TRPS1: variants seen among roughly 807,000 people sequenced by gnomAD.
TRPS1 encodes zinc finger transcription factor Trps1.
TRPS1 carries 6 observed loss-of-function variants against 101.2 expected under a neutral mutation model. The ratio of observed to expected loss-of-function variants is 0.06; its 90% CI spans 0.03 to 0.12. The LOEUF is 0.12. Ranked by LOEUF, TRPS1 falls within the 10% of genes least tolerant of loss-of-function variation. The pLI is 1.00. For missense variants in TRPS1, 1,363 were observed against 1,567.0 expected (o/e 0.87, Z 2.20); for synonymous variants, 578 against 589.8 (o/e 0.98, Z 0.29).
At chr8:115,522,732 T>C (rs1815896324) in intron 5 of TRPS1, among the ~76,000 whole-genome samples, 2 of 152,146 alleles carry the variant, frequency 1.3e-5, no homozygotes, top group Admixed American at 1.3e-4. Flanking sequence ...AAATTCGACA[T>C]ATTTTTAATA....
intron 3 of TRPS1, among the ~76,000 whole-genome samples, chr8:115,613,360 A>C (rs1818211907): frequency 6.6e-6 from 1 of 152,246 alleles, no homozygotes; most frequent in African/African-American, 2.4e-5. Flanking sequence ...CACGGAGCAG[A>C]TAGCAGATAA....
chr8:115,493,947 T>A (rs1815090565), intron 5 of TRPS1, among the ~76,000 whole-genome samples: 1 of 152,164 alleles, frequency 6.6e-6, no homozygotes, highest in Non-Finnish European at 1.5e-5. Context: ...CTAAATTCCA[T>A]AAAAAATATA....
At chr8:115,520,810 G>C (rs1815840803) in intron 5 of TRPS1, among the ~76,000 whole-genome samples, 1 of 151,732 alleles carries the variant, frequency 6.6e-6, no homozygotes, top group Non-Finnish European at 1.5e-5. Context: ...TACCTTATTG[G>C]ACAGTATTAG....
At chr8:115,645,207 G>C (rs1259031041) in intron 1 of TRPS1, among the ~76,000 whole-genome samples, 1 of 151,982 alleles carries the variant, frequency 6.6e-6, no homozygotes, top group Non-Finnish European at 1.5e-5. Context: ...ATAAAACGAG[G>C]TAATTACATA....
chr8:115,562,888 G>GTGTC (rs1434137211), intron 5 of TRPS1, among the ~76,000 whole-genome samples: 1 of 139,004 alleles, frequency 7.2e-6, no homozygotes, highest in Non-Finnish European at 1.5e-5. Flanking sequence ...GTGTGTGTGT[G>GTGTC]TGTGTGTGTG....
At chr8:115,607,442 A>T (rs1818066053) in intron 3 of TRPS1, among the ~76,000 whole-genome samples, 1 of 151,260 alleles carries the variant, frequency 6.6e-6, no homozygotes, top group South Asian at 2.1e-4. Flanking sequence ...TTTTTTGTTA[A>T]ACCCAGGGAA....
At chr8:115,622,462 T>C (rs761343824) in intron 2 of TRPS1, among the ~76,000 whole-genome samples, 5 of 152,196 alleles carry the variant, frequency 3.3e-5, no homozygotes, top group Non-Finnish European at 5.9e-5. Context: ...GGTTTTAACT[T>C]GGTCTACAGA....
chr8:115,421,597 A>G (rs978728425), intron 5 of TRPS1, among the ~76,000 whole-genome samples: 3 of 152,166 alleles, frequency 2.0e-5, no homozygotes, highest in Non-Finnish European at 2.9e-5. Context: ...GGGGGTGGAG[A>G]GTGGGAGGTA....
At position 115,409,247 on chromosome 8, in the gene TRPS1, A is replaced by G. The variant is rs997281630; in HGVS notation, c.*4776T>C. 3 of 90,156 alleles carry G rather than the reference A, an allele frequency of 3.3e-5. No individual in the cohort carries two copies. The highest frequency in any genetic ancestry group is 1.4e-4 in the African/African-American group (3 of 21,718). The allele number at this position is 90,156 out of a possible 1,614,324, so 5.6% of individuals were successfully genotyped here. A position where few individuals can be genotyped will look rare whatever the true frequency, so the allele number is the denominator to read the frequency against. On this transcript the variant is annotated 3_prime_UTR_variant, in exon 7 of 7. Coordinates refer to ENST00000395715, the MANE Select transcript of TRPS1 (RefSeq NM_014112.5). ...ACAAAAAGAAAAAGTGATATGCTGC[A>G]GTTTATATGTTGGGAAAAAAAAAAA...
Position 115,414,405 on chromosome 8 carries a change from G to A in TRPS1, c.3503C>T (p.Ala1168Val). The A allele has an allele frequency of 1.2e-6, 2 of 1,613,970 alleles. No homozygotes were observed. Among genetic ancestry groups the A allele is most frequent in the Non-Finnish European group, 1.7e-6 (2 of 1,179,944 alleles). ...AGGAATGTCATTGTCTGATCCAACA[G>A]CTGAAAAATGAGGAGGCAGATTGAA... is the stretch of plus-strand genomic sequence containing the variant. ...PTFNLPPHFS[A>V]VGSDNDIPLD... Residue 1168 changes from alanine to valine, a missense_variant, in exon 7 of 7, where the codon GCT (alanine) becomes GTT (valine). This residue lies in a region of TRPS1 where 307 missense variants were observed against 392.4 expected (regional missense o/e 0.78). Coordinates refer to ENST00000395715, the MANE Select transcript of TRPS1 (RefSeq NM_014112.5). This position sits in a 1 kb window ranked among gnomAD's most constrained non-coding sequence, Gnocchi z 4.8.
intron 1 of TRPS1, among the ~76,000 whole-genome samples, chr8:115,642,849 A>AAAAAT (rs981274987): frequency 3.7e-4 from 54 of 146,034 alleles, no homozygotes; most frequent in South Asian, 4.3e-4. Context: ...CGTGAAAAAA[A>AAAAAT]ATATATATAT....
chr8:115,530,824 T>G (rs1182755926), intron 5 of TRPS1, among the ~76,000 whole-genome samples: 1 of 151,800 alleles, frequency 6.6e-6, no homozygotes, highest in African/African-American at 2.4e-5. Flanking sequence ...GCAAACTATC[T>G]CAAGGACAGA....
chr8:115,524,893 C>T (rs1009051657), intron 5 of TRPS1, among the ~76,000 whole-genome samples: 1 of 152,062 alleles, frequency 6.6e-6, no homozygotes, highest in East Asian at 1.9e-4. Flanking sequence ...ATATGTAACA[C>T]TATAATAGTG....
intron 1 of TRPS1, among the ~76,000 whole-genome samples, chr8:115,652,599 T>C (rs1392529727): frequency 6.6e-6 from 1 of 152,224 alleles, no homozygotes; most frequent in African/African-American, 2.4e-5. Context: ...CAATATTTGT[T>C]GTTACCTAAA....
At chr8:115,452,150 A>G (rs1032667601) in intron 5 of TRPS1, among the ~76,000 whole-genome samples, 1 of 152,168 alleles carries the variant, frequency 6.6e-6, no homozygotes, top group Admixed American at 6.5e-5. Context: ...TGAATTCTGG[A>G]CTTGTTTTAA....
chr8:115,532,275 G>A (rs974402731), intron 5 of TRPS1, among the ~76,000 whole-genome samples: 1 of 151,736 alleles, frequency 6.6e-6, no homozygotes, highest in Non-Finnish European at 1.5e-5. Context: ...ATGGTAAATG[G>A]CATGGTAAAT....
At chr8:115,597,791 T>C (rs546012284) in intron 4 of TRPS1, among the ~76,000 whole-genome samples, 20 of 152,308 alleles carry the variant, frequency 1.3e-4, no homozygotes, top group African/African-American at 4.6e-4. Flanking sequence ...CCTCTTATTA[T>C]GCAATGATCC....
intron 5 of TRPS1, among the ~76,000 whole-genome samples, chr8:115,526,996 C>A (rs927886897): frequency 6.6e-6 from 1 of 152,070 alleles, no homozygotes; most frequent in African/African-American, 2.4e-5. Flanking sequence ...ATATGTATAA[C>A]CCTGTGTTTC....
intron 5 of TRPS1, among the ~76,000 whole-genome samples, chr8:115,550,728 T>C (rs2130337988): frequency 6.6e-6 from 1 of 152,280 alleles, no homozygotes; most frequent in African/African-American, 2.4e-5. Flanking sequence ...CTAAAGCCCT[T>C]GGTATTCTTG....
Sources: gnomAD v4.1 joint callset for allele counts (sites outside exome capture counted in the v4.1 genomes callset) on GRCh38, gnomAD v4.1.1 for gene constraint, gnomAD v4.1.1 regional missense constraint, Gnocchi (gnomAD v3.1) non-coding constraint, MANE v1.5 for transcripts, NCBI Gene and HGNC (gene_info 2026-07-23, HGNC 2026-07-21) for gene names.